Variants in KIF9 observed in about 807,000 individuals in gnomAD.
KIF9 encodes the protein kinesin-like protein KIF9.
KIF9 carries 68 observed loss-of-function variants against 94.8 expected under a neutral mutation model. That is an observed-to-expected ratio of 0.72 (90% confidence interval 0.59 to 0.88). KIF9 has a LOEUF of 0.88. KIF9 is among the 40% of genes least tolerant of loss of function. The pLI, the probability that KIF9 is intolerant of heterozygous loss-of-function variation, is 0.00. For synonymous variants in KIF9, 343 were observed against 362.1 expected, an observed-to-expected ratio of 0.95 and a Z score of 0.60; for missense variants, 882 against 982.5, an observed-to-expected ratio of 0.90 and a Z score of 1.37.
At position 47,243,141 on chromosome 3, in the gene KIF9, T is replaced by A; in HGVS notation, c.1619A>T (p.Asp540Val). ...GTCCCGCGAAAGCATGTCTTTGACA[T>A]CCCCATCTTTGGAGGATGGGACCAG... ...TQLVPSSKDG[D>V]VKDMLSRDRE... The change falls in exon 16 of 21, where the codon GAT becomes GTT. Residue 540 changes from aspartate to valine, a missense_variant. Asp to Val is a radical substitution (Grantham distance 152, BLOSUM62 -3). Transcript: ENST00000684063. The A allele has an allele frequency of 6.2e-7, 1 of 1,614,016 alleles. No individual in the cohort carries two copies. Among genetic ancestry groups the A allele is most frequent in the Non-Finnish European group, 8.5e-7 (1 of 1,179,926 alleles).
At chr3:47,239,544 A>G in intron 17 of KIF9, 1 of 1,095,898 alleles carries the variant, frequency 9.1e-7, no homozygotes, top group Non-Finnish European at 1.1e-6. Flanking sequence ...AATGGCCCCA[A>G]GAATTAGAAA....
chr3:47,276,043 A>T (rs1230257765), intron 2 of KIF9, among the ~76,000 whole-genome samples: 1 of 152,172 alleles, frequency 6.6e-6, no homozygotes, highest in Non-Finnish European at 1.5e-5. Flanking sequence ...AGGAATTAAG[A>T]GTAAATTGAG....
chr3:47,250,698 C>A, intron 10 of KIF9: 2 of 251,096 alleles, frequency 8.0e-6, no homozygotes, highest in African/African-American at 2.2e-5. Flanking sequence ...GAGTGTCTTC[C>A]CTAAAAGAGG....
chr3:47,249,785 C>G (rs957530026), intron 10 of KIF9, among the ~76,000 whole-genome samples: 2 of 152,174 alleles, frequency 1.3e-5, no homozygotes, highest in Non-Finnish European at 2.9e-5. Context: ...CAGCCAGGTG[C>G]GGTGGCTCAT....
intron 5 of KIF9, among the ~76,000 whole-genome samples, chr3:47,268,033 G>C (rs929085093): frequency 6.6e-6 from 1 of 151,766 alleles, no homozygotes; most frequent in Non-Finnish European, 1.5e-5. Flanking sequence ...TACCACACCT[G>C]GCTAATTTTT....
rs1333201493 is a variant in KIF9 at position 47,263,804 on chromosome 3, C to T, written c.981+482G>A. ...TGCTGAGGCCCAAGGGCATTTAAGA[C>T]TAATTTCTACCAGGTTACTCCTGCT... is the stretch of plus-strand genomic sequence containing the variant. On this transcript the variant is annotated intron_variant, in intron 9 of 20. Coordinates refer to ENST00000684063, the MANE Select transcript of KIF9 (RefSeq NM_182902.4). The T allele has an allele frequency of 1.5e-5, 7 of 455,838 alleles. No individual in the cohort carries two copies. The East Asian group carries it at 4.9e-4, about 32-fold the overall frequency. The allele number at this position is 455,838 out of a possible 1,614,324, so 28.2% of individuals were successfully genotyped here.
In KIF9 at chr3:47,265,752, G is replaced by C. The variant is rs1701251707; in HGVS notation, c.894C>G (p.Thr298=). Residue 298 remains threonine (T), a synonymous_variant, in exon 8 of 21, where the codon ACC becomes ACG. Coordinates refer to ENST00000684063, the MANE Select transcript of KIF9 (RefSeq NM_182902.4). ...DHIPFRQCKL[T]HALKDSLGGN... ...CACCTAACGAGTCCTTCAGAGCGTG[G>C]GTGAGCTTGCACTGCCGAAAGGGGA... is the stretch of plus-strand genomic sequence containing the variant. The C allele has an allele frequency of 6.2e-7, 1 of 1,614,054 alleles. No individual in the cohort carries two copies. Among genetic ancestry groups the C allele is most frequent in the African/African-American group, 1.3e-5 (1 of 74,922 alleles).
In KIF9 at chr3:47,241,012, G is replaced by A. The variant is rs776317292; in HGVS notation, c.1713C>T (p.Pro571=). The change falls in exon 17 of 21, where the codon CCC becomes CCT. Residue 571 remains proline, a synonymous_variant. Coordinates refer to ENST00000684063, the MANE Select transcript of KIF9 (RefSeq NM_182902.4). ...CCACTGGTTTGGAGGGTGGGGTGTC[G>A]GGCCTTGAGATGAAAAGGTGAGACC... ...SPKEELRPIR[P]DTPPSKPVAF... 11 of 1,613,900 alleles carry A rather than the reference G, an allele frequency of 6.8e-6. No individual in the cohort carries two copies. Among genetic ancestry groups the A allele is most frequent in the African/African-American group, 2.7e-5 (2 of 74,872 alleles).
Position 47,240,820 on chromosome 3 carries a change from C to T in KIF9, c.1905G>A (p.Lys635=). Residue 635 remains lysine, a synonymous_variant, in exon 17 of 21, where the codon AAG becomes AAA. Coordinates refer to ENST00000684063, the MANE Select transcript of KIF9 (RefSeq NM_182902.4). ...DVTKEALNFQ[K]SLREKQGKYE... ...ATTTACCTTGCTTCTCCCGTAGTGACTTCTGGAAATTCAGGGCCTCCTTGG... is the reference window on the plus strand; with the variant it reads ...ATTTACCTTGCTTCTCCCGTAGTGATTTCTGGAAATTCAGGGCCTCCTTGG... 6.2e-7 allele frequency: 1 copy of T among 1,614,142 alleles called. No homozygotes were observed. Among genetic ancestry groups the T allele is most frequent in the Non-Finnish European group, 8.5e-7 (1 of 1,179,998 alleles).
chr3:47,276,995 T>C, intron 2 of KIF9: 1 of 248,202 alleles, frequency 4.0e-6, no homozygotes, highest in Non-Finnish European at 7.7e-6. Context: ...TAGAAAGCTT[T>C]ATGAATGTGA....
At chr3:47,263,353 T>A (rs1701100375) in intron 9 of KIF9, among the ~76,000 whole-genome samples, 1 of 152,172 alleles carries the variant, frequency 6.6e-6, no homozygotes, top group Non-Finnish European at 1.5e-5. Flanking sequence ...CCAGGCCACC[T>A]GTGTCCTGCC....
chr3:47,271,601 A>G (rs1458759819), intron 4 of KIF9, 140 bp from the exon 5 acceptor site: 1 of 662,088 alleles, frequency 1.5e-6, no homozygotes, highest in Non-Finnish European at 2.7e-6. Flanking sequence ...GATATTTAGT[A>G]TCATCTTGTA....
chr3:47,282,361 T>C lies in KIF9; in HGVS notation c.-6+134A>G, dbSNP rs115744121. 3.0e-3 allele frequency: 2,971 copies of C among 985,940 alleles called. 60 individuals are homozygous for C. The African/African-American group carries it at 0.048, about 16-fold the overall frequency. The allele number at this position is 985,940 out of a possible 1,614,324, so 61.1% of individuals were successfully genotyped here. A position where few individuals can be genotyped will look rare whatever the true frequency, so the allele number is the denominator to read the frequency against. On this transcript the variant is annotated intron_variant, in intron 1 of 20. Transcript: ENST00000684063. ...CCGCGACGTCGAGCCCTCCTTCGCC[T>C]GGGTTTCAGAGATGAGCGACCCAGC...
At chr3:47,239,917 T>C in intron 17 of KIF9, 1 of 1,367,916 alleles carries the variant, frequency 7.3e-7, no homozygotes, top group Non-Finnish European at 9.8e-7. Context: ...GTTTCCTGTC[T>C]GGAAGAAGAC....
intron 16 of KIF9, among the ~76,000 whole-genome samples, chr3:47,241,779 A>G (rs545729789): frequency 1.5e-5 from 2 of 131,672 alleles, no homozygotes; most frequent in Non-Finnish European, 3.2e-5. Context: ...GTATATATAC[A>G]TGTATATACG....
At chr3:47,255,181 C>T (rs371367950) in intron 10 of KIF9, among the ~76,000 whole-genome samples, 1 of 152,330 alleles carries the variant, frequency 6.6e-6, no homozygotes, top group East Asian at 1.9e-4. Flanking sequence ...GTTTTTACTA[C>T]ACCAGATGTT....
intron 5 of KIF9, among the ~76,000 whole-genome samples, chr3:47,267,890 G>A (rs1368300532): frequency 1.5e-5 from 1 of 65,784 alleles, no homozygotes. Context: ...TTTTTTTTTT[G>A]GGAGAGCATC....
At chr3:47,250,618 C>A (rs1700212569) in intron 10 of KIF9, 2 of 455,312 alleles carry the variant, frequency 4.4e-6, no homozygotes, top group Non-Finnish European at 9.1e-6. Flanking sequence ...TCATGAACTA[C>A]AAAAGGATCA....
chr3:47,266,225 CACAA>C (rs1481161878), intron 7 of KIF9, among the ~76,000 whole-genome samples: 4 of 152,330 alleles, frequency 2.6e-5, no homozygotes, highest in African/African-American at 9.6e-5. Context: ...TGAATATTCA[CACAA>C]ACACTCATGA....
Sources: gnomAD v4.1 joint callset for allele counts (sites outside exome capture counted in the v4.1 genomes callset) on GRCh38, gnomAD v4.1.1 for gene constraint, MANE v1.5 for transcripts, NCBI Gene and HGNC (gene_info 2026-07-23, HGNC 2026-07-21) for gene names.